The following CHIT1 variants were observed in gnomAD, a reference collection of about 807,000 sequenced individuals.
The protein encoded by CHIT1 is chitotriosidase-1.
CHIT1 carries 47 observed loss-of-function variants against 52.0 expected under a neutral mutation model. That is an observed-to-expected ratio of 0.90 (90% confidence interval 0.71 to 1.15). The LOEUF (loss-of-function observed/expected upper bound fraction) is 1.15, where lower values mean the gene tolerates loss of function less well. Ranked by LOEUF, CHIT1 falls within the 50% of genes most tolerant of loss-of-function variation. The pLI, the probability that CHIT1 is intolerant of heterozygous loss-of-function variation, is 0.00. For missense variants in CHIT1, 569 were observed against 583.0 expected, an observed-to-expected ratio of 0.98 and a Z score of 0.25; for synonymous variants, 242 against 228.2, an observed-to-expected ratio of 1.06 and a Z score of -0.54.
At chr1:203,228,998 G>C (rs1451439797) in intron 1 of CHIT1, among the ~76,000 whole-genome samples, 1 of 152,190 alleles carries the variant, frequency 6.6e-6, no homozygotes, top group African/African-American at 2.4e-5. Flanking sequence ...CTGTGCCTCT[G>C]CTCCCATCGT....
Position 203,223,211 on chromosome 1 carries a change from G to A in CHIT1, c.529C>T (p.Arg177Cys), listed in dbSNP as rs200777680. 5.2e-5 allele frequency: 84 copies of A among 1,614,204 alleles called. No homozygotes were observed. In the East Asian group the frequency reaches 8.2e-4, roughly 16 times the overall value. ...GGAACCGCTGCACTCAGAAGAAGGCGTTCCTTCCCTGAGGTCTGGGCTTCC... is the reference window on the plus strand; with the variant it reads ...GGAACCGCTGCACTCAGAAGAAGGCATTCCTTCCCTGAGGTCTGGGCTTCC... ...QQEAQTSGKE[R>C]LLLSAAVPAG... The change falls in exon 6 of 11, where the codon CGC (arginine) becomes TGC (cysteine). Residue 177 changes from arginine to cysteine, a missense_variant. Arg to Cys is a radical substitution (Grantham distance 180). Transcript: ENST00000367229.
intron 7 of CHIT1, among the ~76,000 whole-genome samples, chr1:203,220,944 G>T (rs1656710557): frequency 6.6e-6 from 1 of 152,186 alleles, no homozygotes; most frequent in African/African-American, 2.4e-5. Flanking sequence ...AATGTGGAAA[G>T]CAGGGTGCTG....
chr1:203,217,323 A>G (rs1193082559), intron 10 of CHIT1, 190 bp from the exon 11 acceptor site: 2 of 1,527,922 alleles, frequency 1.3e-6, no homozygotes, highest in Non-Finnish European at 1.8e-6. Context: ...GCACAGTGCC[A>G]CAGGCAACAC....
chr1:203,218,518 C>T (rs1057337558), intron 9 of CHIT1, among the ~76,000 whole-genome samples: 2 of 152,188 alleles, frequency 1.3e-5, no homozygotes, highest in African/African-American at 4.8e-5. Context: ...TGGGCCTACA[C>T]TTTGTTTTCA....
At position 203,219,812 on chromosome 1, in the gene CHIT1, G is replaced by A. The variant is rs182143561; in HGVS notation, c.767C>T (p.Pro256Leu). 1.2e-5 allele frequency: 19 copies of A among 1,612,520 alleles called. No individual in the cohort carries two copies. In the East Asian group the frequency reaches 3.8e-4, roughly 32 times the overall value. ...CATGCCAAGGATCAGCTTGCTGGCA[G>A]GGGTCCCCTTCTGCAGCCACTGTTG... The part of the protein sequence containing the change: ...AVQQWLQKGT[P>L]ASKLILGMPT... The change falls in exon 8 of 11, where the codon CCT becomes CTT. Residue 256 changes from proline to leucine, a missense_variant. Physicochemically the swap from Pro to Leu is moderately conservative, Grantham distance 98. Coordinates refer to ENST00000367229, the MANE Select transcript of CHIT1 (RefSeq NM_003465.3).
rs549549514 is a variant in CHIT1, at chr1:203,222,397, A to G, written c.606-72T>C. On this transcript the variant is annotated intron_variant, in intron 6 of 10. Transcript: ENST00000367229. Reference sequence around the variant, plus strand: ...GGGGTAGCCCTTCTTTCTCACTCCTACCCCCTCAGTGCATGGCCTAGGGAG... The same window carrying G: ...GGGGTAGCCCTTCTTTCTCACTCCTGCCCCCTCAGTGCATGGCCTAGGGAG... 3.2e-5 allele frequency: 51 copies of G among 1,608,102 alleles called. No homozygotes were observed. In the African/African-American group the frequency reaches 6.1e-4, roughly 19 times the overall value.
In CHIT1 at chr1:203,216,144, TG is replaced by T. The variant is rs1187453274; in HGVS notation, c.*744del. The T allele has an allele frequency of 2.2e-6, 1 of 454,184 alleles. No individual in the cohort carries two copies. The highest frequency in any genetic ancestry group is 6.9e-5 in the East Asian group (1 of 14,398). 28.1% of individuals were successfully genotyped at this position (454,184 alleles called of 1,614,324 possible). A position where few individuals can be genotyped will look rare whatever the true frequency, so the allele number is the denominator to read the frequency against. On this transcript the variant is annotated 3_prime_UTR_variant, in exon 11 of 11. Transcript: ENST00000367229. ...ATGCTCTCTGGCCCATTTCAGGCCT[TG>T]GTTCTGGACTCAGAATTGGTTAGAA... is the stretch of plus-strand genomic sequence containing the variant.
Position 203,217,286 on chromosome 1 carries a change from C to T in CHIT1, c.1157-153G>A, listed in dbSNP as rs1189325403. 3 of 1,550,002 alleles carry T rather than the reference C, an allele frequency of 1.9e-6. No homozygotes were observed. In the South Asian group the frequency reaches 3.5e-5, roughly 18 times the overall value. ...CCAGATACCCCAGGCAGAGAACAGC[C>T]AGACAACAGCCATACCTACAGCTGA... is the stretch of plus-strand genomic sequence containing the variant. On this transcript the variant is annotated intron_variant, in intron 10 of 10. Coordinates refer to ENST00000367229, the MANE Select transcript of CHIT1 (RefSeq NM_003465.3).
chr1:203,223,473 T>C (rs775883299), intron 5 of CHIT1, 22 bp downstream of exon 5: 72 of 1,613,216 alleles, frequency 4.5e-5, no homozygotes, highest in Non-Finnish European at 5.9e-5. Context: ...AGACTGGTGA[T>C]CCCCGCCCCG....
chr1:203,222,197 C>T lies in CHIT1; in HGVS notation c.729+5G>A, dbSNP rs146112390. ...GTCCTGCCTCAGCCCTCCTGCCACACGTACCACGTTGAGGCTGGCTGCTGC... is the reference window on the plus strand; with the variant it reads ...GTCCTGCCTCAGCCCTCCTGCCACATGTACCACGTTGAGGCTGGCTGCTGC... On this transcript the variant is annotated splice_donor_5th_base_variant and intron_variant, in intron 7 of 10. Transcript: ENST00000367229. 377 of 1,613,918 alleles carry T rather than the reference C, an allele frequency of 2.3e-4. 4 individuals are homozygous for T. In the African/African-American group the frequency reaches 4.3e-3, roughly 18 times the overall value.
intron 8 of CHIT1, 32 bp from the exon 9 acceptor site, chr1:203,219,361 G>A (rs1263425605): frequency 3.1e-6 from 4 of 1,275,104 alleles, no homozygotes; most frequent in Non-Finnish European, 4.6e-6. Flanking sequence ...CTGGGGAGGA[G>A]GAGGGAGGCT....
At position 203,216,673 on chromosome 1, in the gene CHIT1, G is replaced by C. The variant is rs1656540234; in HGVS notation, c.*216C>G. ...TAAGTCACCACATCTTTGGGAAGAG[G>C]GGCACAAACCAAAGATTTATTTTGC... On this transcript the variant is annotated 3_prime_UTR_variant, in exon 11 of 11. Coordinates refer to ENST00000367229, the MANE Select transcript of CHIT1 (RefSeq NM_003465.3). 2 of 668,468 alleles carry C rather than the reference G, an allele frequency of 3.0e-6. No individual in the cohort carries two copies. Among genetic ancestry groups the C allele is most frequent in the Non-Finnish European group, 5.4e-6 (2 of 369,800 alleles). The allele number at this position is 668,468 out of a possible 1,614,324, so 41.4% of individuals were successfully genotyped here. A position where few individuals can be genotyped will look rare whatever the true frequency, so the allele number is the denominator to read the frequency against.
rs200630872 is a variant in CHIT1 at position 203,225,757 on chromosome 1, C to T, written c.169G>A (p.Ala57Thr). 1.2e-4 allele frequency: 191 copies of T among 1,613,998 alleles called. 1 individual carries two copies. The East Asian group carries it at 3.9e-3, about 33-fold the overall frequency. Residue 57 changes from alanine (A) to threonine (T), a missense_variant, in exon 3 of 11, where the codon GCC becomes ACC. Physicochemically the swap from Ala to Thr is moderately conservative, Grantham distance 58. Transcript: ENST00000367229. ...DPSLCTHLIY[A>T]FAGMTNHQLS... ...TGGTGGTTGGTCATGCCAGCGAAGG[C>T]GTAGATGAGGTGGGTGCAAAGGCTG...
At position 203,223,528 on chromosome 1, in the gene CHIT1, G is replaced by A. The variant is rs139891908; in HGVS notation, c.447C>T (p.Ala149=). 1,149 of 1,614,158 alleles carry A rather than the reference G, an allele frequency of 7.1e-4. 4 individuals are homozygous for A. The highest frequency in any genetic ancestry group is 5.9e-3 in the Middle Eastern group (36 of 6,060). Residue 149 remains alanine, a synonymous_variant, in exon 5 of 11, where the codon GCC becomes GCT. Coordinates refer to ENST00000367229, the MANE Select transcript of CHIT1 (RefSeq NM_003465.3). The part of the protein sequence containing the change: ...WEYPGSQGSP[A]VDKERFTTLV... ...GGGTTGTGAAGCGCTCCTTGTCTACGGCAGGGCTCCCCTGGCTTCCTGGGT... is the reference window on the plus strand; with the variant it reads ...GGGTTGTGAAGCGCTCCTTGTCTACAGCAGGGCTCCCCTGGCTTCCTGGGT...
chr1:203,229,011 A>G (rs1657037937), intron 1 of CHIT1, among the ~76,000 whole-genome samples: 1 of 152,146 alleles, frequency 6.6e-6, no homozygotes, highest in Non-Finnish European at 1.5e-5. Context: ...CCCATCGTTT[A>G]TGGCTTCCTG....
At position 203,217,838 on chromosome 1, in the gene CHIT1, C is replaced by T; in HGVS notation, c.1057G>A (p.Gly353Ser). ...TCCAGTGCCCAGACCATGGCCCCGC[C>T]CAGTCCCTTCTGCTTCAGATAGCTG... The part of the protein sequence containing the change: ...KVSYLKQKGL[G>S]GAMVWALDLD... The change falls in exon 10 of 11, where the codon GGC (glycine) becomes AGC (serine). Residue 353 changes from glycine to serine, a missense_variant. Transcript: ENST00000367229. 6.2e-7 allele frequency: 1 copy of T among 1,613,850 alleles called. No individual in the cohort carries two copies. The highest frequency in any genetic ancestry group is 1.1e-5 in the South Asian group (1 of 91,010).
At chr1:203,223,079 C>G (rs1031407579) in intron 6 of CHIT1, 56 bp downstream of exon 6, 2 of 1,610,712 alleles carry the variant, frequency 1.2e-6, no homozygotes, top group Admixed American at 3.3e-5. Context: ...CTCAGTCTGC[C>G]CTTGGCCTCT....
intron 2 of CHIT1, among the ~76,000 whole-genome samples, chr1:203,226,733 T>C (rs898979231): frequency 1.3e-5 from 2 of 151,914 alleles, no homozygotes; most frequent in Non-Finnish European, 2.9e-5. Context: ...GGATGGTCTA[T>C]TCCCAGTGAG....
At chr1:203,223,732 C>G in intron 4 of CHIT1, 72 bp from the exon 5 acceptor site, 1 of 1,482,688 alleles carries the variant, frequency 6.7e-7, no homozygotes, top group South Asian at 1.1e-5. Flanking sequence ...CAGAAGCAGG[C>G]AAGAAAACAC....
Sources: gnomAD v4.1 joint callset for allele counts (sites outside exome capture counted in the v4.1 genomes callset) on GRCh38, gnomAD v4.1.1 for gene constraint, MANE v1.5 for transcripts, NCBI Gene and HGNC (gene_info 2026-07-23, HGNC 2026-07-21) for gene names.